IGSF11: variants seen among roughly 807,000 people sequenced by gnomAD.
IGSF11 encodes immunoglobulin superfamily member 11, also known as CXADR like 1.
Under a neutral mutation model 41.0 loss-of-function variants are expected in IGSF11, and 22 were observed. That is an observed-to-expected ratio of 0.54 (90% CI 0.38 to 0.77). The LOEUF (loss-of-function observed/expected upper bound fraction) is 0.77. IGSF11 is among the 30% of genes least tolerant of loss of function. The probability of loss-of-function intolerance (pLI) is 0.00; values close to 1 mark genes in which losing one functional copy is unlikely to be tolerated. For synonymous variants in IGSF11, 219 were observed against 201.3 expected (o/e 1.09, Z -0.74); for missense variants, 444 against 530.8 (o/e 0.84, Z 1.61).
intron 4 of IGSF11, among the ~76,000 whole-genome samples, chr3:118,909,043 G>A (rs1360946147): frequency 6.6e-6 from 1 of 152,120 alleles, no homozygotes; most frequent in Non-Finnish European, 1.5e-5. Flanking sequence ...GTTTCCATGT[G>A]GGAATTCCTT....
chr3:119,079,021 A>G (rs899415144), intron 1 of IGSF11, among the ~76,000 whole-genome samples: 1 of 152,112 alleles, frequency 6.6e-6, no homozygotes, highest in Non-Finnish European at 1.5e-5. Flanking sequence ...CAAAACCACA[A>G]TGAGACACCA....
chr3:118,950,498 T>C (rs1483369113), intron 1 of IGSF11, among the ~76,000 whole-genome samples: 1 of 152,074 alleles, frequency 6.6e-6, no homozygotes, highest in Non-Finnish European at 1.5e-5. Context: ...ATAGAGAATA[T>C]TCAAGGTTAA....
chr3:118,913,459 C>T (rs973190726), intron 4 of IGSF11, among the ~76,000 whole-genome samples: 5 of 152,152 alleles, frequency 3.3e-5, no homozygotes, highest in African/African-American at 1.2e-4. Context: ...AGACTACCAG[C>T]AGATTTCTCA....
chr3:118,941,478 G>A (rs918944294), intron 1 of IGSF11, among the ~76,000 whole-genome samples: 3 of 152,134 alleles, frequency 2.0e-5, no homozygotes, highest in African/African-American at 7.2e-5. Context: ...GCTAAGTGTT[G>A]ACGAGAATGT....
chr3:119,110,720 G>A (rs990904285), intron 1 of IGSF11, among the ~76,000 whole-genome samples: 31 of 152,024 alleles, frequency 2.0e-4, no homozygotes, highest in East Asian at 3.9e-4. Flanking sequence ...ATTTTGCAGC[G>A]GCTGGTACCA....
chr3:118,968,314 C>G (rs1019610584), intron 1 of IGSF11, among the ~76,000 whole-genome samples: 1 of 152,086 alleles, frequency 6.6e-6, no homozygotes, highest in South Asian at 2.1e-4. Context: ...TCCTTCTTTC[C>G]TAGGTCTCTT....
chr3:119,068,792 C>G (rs1023971900), intron 1 of IGSF11, among the ~76,000 whole-genome samples: 2 of 151,968 alleles, frequency 1.3e-5, no homozygotes, highest in African/African-American at 4.8e-5. Context: ...CATACTGACT[C>G]ACATGATAAA....
chr3:119,005,183 C>T (rs569736323), intron 1 of IGSF11, among the ~76,000 whole-genome samples: 5 of 145,312 alleles, frequency 3.4e-5, no homozygotes, highest in African/African-American at 5.5e-5. Flanking sequence ...ATAGTTAGCT[C>T]CTCTTGTTGA....
At chr3:119,073,378 C>A (rs552271636) in intron 1 of IGSF11, among the ~76,000 whole-genome samples, 1 of 152,356 alleles carries the variant, frequency 6.6e-6, no homozygotes, top group South Asian at 2.1e-4. Context: ...AGCTGCCTGC[C>A]AGTCCTGGGC....
chr3:119,011,385 A>G (rs1247328290), intron 1 of IGSF11, among the ~76,000 whole-genome samples: 5 of 152,208 alleles, frequency 3.3e-5, no homozygotes, highest in Non-Finnish European at 7.3e-5. Flanking sequence ...TTCTATATAA[A>G]AAGTCTGCCC....
chr3:119,005,015 C>T (rs1039392138), intron 1 of IGSF11, among the ~76,000 whole-genome samples: 2 of 149,686 alleles, frequency 1.3e-5, no homozygotes, highest in African/African-American at 5.0e-5. Flanking sequence ...TCCTGGGTAT[C>T]CTTGTTGACT....
intron 1 of IGSF11, among the ~76,000 whole-genome samples, chr3:118,984,877 A>T (rs1281007435): frequency 1.3e-5 from 2 of 152,146 alleles, no homozygotes; most frequent in Non-Finnish European, 2.9e-5. Flanking sequence ...GAAAGCTGCC[A>T]CTCAGTGACA....
chr3:118,902,979 A>C lies in IGSF11; in HGVS notation c.855-18T>G, dbSNP rs757614772. On this transcript the variant is annotated intron_variant, in intron 6 of 6. Coordinates refer to ENST00000393775, the MANE Select transcript of IGSF11 (RefSeq NM_001015887.3). The stretch of plus-strand genomic sequence containing the variant: ...CATCCTCTCTGAAAGGAACAAAATA[A>C]AGTCGTTGTTAGGATTTACTTCAAG... The C allele has an allele frequency of 6.2e-7, 1 of 1,607,132 alleles. No homozygotes were observed. The highest frequency in any genetic ancestry group is 8.5e-7 in the Non-Finnish European group (1 of 1,174,514).
chr3:118,978,258 G>A (rs993636501), intron 1 of IGSF11, among the ~76,000 whole-genome samples: 3 of 152,038 alleles, frequency 2.0e-5, no homozygotes, highest in Non-Finnish European at 4.4e-5. Flanking sequence ...CACCAGAGCC[G>A]GCACCCACCC....
At chr3:118,938,643 C>T (rs944810729) in intron 1 of IGSF11, among the ~76,000 whole-genome samples, 1 of 152,178 alleles carries the variant, frequency 6.6e-6, no homozygotes, top group Non-Finnish European at 1.5e-5. Context: ...GAACATGAGT[C>T]ACTATGGTTT....
chr3:119,076,313 A>G (rs1279159271), intron 1 of IGSF11, among the ~76,000 whole-genome samples: 1 of 152,244 alleles, frequency 6.6e-6, no homozygotes, highest in Non-Finnish European at 1.5e-5. Context: ...AAACCCTAGA[A>G]GAAAACCTAG....
intron 1 of IGSF11, among the ~76,000 whole-genome samples, chr3:119,085,086 T>C (rs993764722): frequency 1.3e-5 from 2 of 152,106 alleles, no homozygotes; most frequent in African/African-American, 4.8e-5. Context: ...AACAATAAAA[T>C]TGTGGGCACA....
At chr3:119,094,951 C>G (rs369373120) in intron 1 of IGSF11, among the ~76,000 whole-genome samples, 1 of 151,982 alleles carries the variant, frequency 6.6e-6, no homozygotes, top group Non-Finnish European at 1.5e-5. Flanking sequence ...GGATTACAGA[C>G]GTGAGCCACC....
chr3:119,075,121 G>A (rs2076471395), intron 1 of IGSF11, among the ~76,000 whole-genome samples: 1 of 151,970 alleles, frequency 6.6e-6, no homozygotes, highest in South Asian at 2.1e-4. Flanking sequence ...AATCCAAATA[G>A]ACACAATCAG....
Sources: gnomAD v4.1 joint callset for allele counts (sites outside exome capture counted in the v4.1 genomes callset) on GRCh38, gnomAD v4.1.1 for gene constraint, MANE v1.5 for transcripts, NCBI Gene and HGNC (gene_info 2026-07-23, HGNC 2026-07-21) for gene names.